The following SPTBN5 variants were observed in gnomAD, a reference collection of about 807,000 sequenced individuals.
SPTBN5 encodes spectrin beta chain, non-erythrocytic 5.
In SPTBN5, 513 loss-of-function variants were observed where a neutral mutation model predicts 477.6. That is an observed-to-expected ratio of 1.07 (90% confidence interval 1.00 to 1.16). The LOEUF is 1.16. SPTBN5 is among the 50% of genes most tolerant of loss of function. The pLI, the probability that SPTBN5 is intolerant of heterozygous loss-of-function variation, is 0.00. For missense variants in SPTBN5, 5,062 were observed against 4,731.8 expected (o/e 1.07, Z -2.05); for synonymous variants, 2,169 against 2,011.7 (o/e 1.08, Z -2.09).
chr15:41,848,687 C>T, intron 67 of SPTBN5, 59 bp from the exon 68 acceptor site: 5 of 1,595,852 alleles, frequency 3.1e-6, no homozygotes, highest in Non-Finnish European at 4.3e-6. Context: ...CTTCTCCAAA[C>T]AAACACACAC....
chr15:41,850,948 C>G lies in SPTBN5; in HGVS notation c.10836-9G>C, dbSNP rs996473092. On this transcript the variant is annotated splice_polypyrimidine_tract_variant and intron_variant, in intron 65 of 67. Transcript: ENST00000320955. ...CTGCCCCACTGGTCAGCCTGGCACC[C>G]ACAGTCACAGGTCAAACTCCACTGT... 6.7e-7 allele frequency: 1 copy of G among 1,491,062 alleles called. No homozygotes were observed. The highest frequency in any genetic ancestry group is 2.0e-5 in the Admixed American group (1 of 49,458). The allele number at this position is 1,491,062 out of a possible 1,614,324, so 92.4% of individuals were successfully genotyped here.
intron 4 of SPTBN5, among the ~76,000 whole-genome samples, chr15:41,889,425 C>T (rs1171253754): frequency 6.7e-6 from 1 of 149,304 alleles, no homozygotes; most frequent in Non-Finnish European, 1.5e-5. Context: ...AGGACTCTTT[C>T]TTTTTTTTTT....
Position 41,892,930 on chromosome 15 carries a change from C to T in SPTBN5, c.348G>A (p.Glu116=), listed in dbSNP as rs748667453. ...GGAAGGCCAGAGCTCGGCTGCTGTTCTCCAGGAAGTGCACACGCAGGCGGC... is the reference window on the plus strand; with the variant it reads ...GGAAGGCCAGAGCTCGGCTGCTGTTTTCCAGGAAGTGCACACGCAGGCGGC... ...SRGRLRVHFL[E]NSSRALAFLR... is the part of the protein sequence containing the mutation. The change falls in exon 3 of 68, where the codon GAG becomes GAA. Residue 116 remains glutamate (E), a synonymous_variant. Transcript: ENST00000320955. 2.5e-6 allele frequency: 4 copies of T among 1,607,366 alleles called. No individual in the cohort carries two copies. Among genetic ancestry groups the T allele is most frequent in the Non-Finnish European group, 3.4e-6 (4 of 1,179,428 alleles).
intron 19 of SPTBN5, 78 bp downstream of exon 19, chr15:41,876,731 C>G: frequency 6.3e-7 from 1 of 1,596,256 alleles, no homozygotes; most frequent in Non-Finnish European, 8.6e-7. Flanking sequence ...ACCCCCTACT[C>G]TCCCAGCCCT....
rs746196539 is a variant in SPTBN5, at chr15:41,850,876, C to A, written c.10899G>T (p.Trp3633Cys). The A allele has an allele frequency of 9.9e-5, 159 of 1,601,896 alleles. No homozygotes were observed. The highest frequency in any genetic ancestry group is 1.3e-4 in the Non-Finnish European group (152 of 1,175,176). ...APSEEQAESW[W>C]RALGSTAAQS... ...CACCTGCAGTGCTGCCCAGGGCTCG[C>A]CACCAGCTCTCAGCCTGCTCTTCGG... Residue 3633 changes from tryptophan to cysteine, a missense_variant, in exon 66 of 68, where the codon TGG (tryptophan) becomes TGT (cysteine). Coordinates refer to ENST00000320955, the MANE Select transcript of SPTBN5 (RefSeq NM_016642.4).
intron 62 of SPTBN5, 91 bp from the exon 63 acceptor site, chr15:41,851,941 C>T: frequency 1.8e-6 from 2 of 1,108,798 alleles, no homozygotes; most frequent in South Asian, 1.4e-5. Flanking sequence ...CTCTTTATTC[C>T]TCCCATCCAA....
At chr15:41,872,541 C>T in intron 26 of SPTBN5, 82 bp from the exon 27 acceptor site, 1 of 1,418,142 alleles carries the variant, frequency 7.1e-7, no homozygotes, top group Non-Finnish European at 9.5e-7. Context: ...ATCCAGTCAC[C>T]AATCCTCATC....
rs2066980741 is a variant in SPTBN5, at chr15:41,882,154, G to A, written c.2248-9C>T. The A allele has an allele frequency of 6.4e-7, 1 of 1,561,158 alleles. No homozygotes were observed. The highest frequency in any genetic ancestry group is 8.6e-7 in the Non-Finnish European group (1 of 1,163,646). On this transcript the variant is annotated splice_polypyrimidine_tract_variant and intron_variant, in intron 11 of 67. Transcript: ENST00000320955. ...GCCGCGTCCGCGAAGTACTGTGGGA[G>A]GGGGTCGGGGGTGGTGTGGGTGAAG...
intron 66 of SPTBN5, 110 bp from the exon 67 acceptor site, chr15:41,850,069 C>T (rs2065700822): frequency 3.2e-6 from 3 of 923,476 alleles, no homozygotes; most frequent in East Asian, 2.6e-5. Flanking sequence ...CCTTAGGCAG[C>T]CTGGCTATGC....
intron 34 of SPTBN5, 136 bp from the exon 35 acceptor site, chr15:41,867,778 G>A (rs375390607): frequency 2.3e-5 from 21 of 896,508 alleles, no homozygotes; most frequent in South Asian, 2.3e-4. Context: ...GAGCTGTGAG[G>A]AGTGGGAGTC....
In SPTBN5 at chr15:41,857,468, C is replaced by T. The variant is rs755368286; in HGVS notation, c.8391G>A (p.Glu2797=). 1 of 1,608,666 alleles carries T rather than the reference C, an allele frequency of 6.2e-7. No individual in the cohort carries two copies. Among genetic ancestry groups the T allele is most frequent in the African/African-American group, 1.3e-5 (1 of 74,982 alleles). Reference sequence around the variant, plus strand: ...TGGGCTCCAGCCAGTTCTCCAGTTCCTCCATGCTCCGCCGCAGACGCAGGG... The same window carrying T: ...TGGGCTCCAGCCAGTTCTCCAGTTCTTCCATGCTCCGCCGCAGACGCAGGG... The part of the protein sequence containing the change: ...CEALRLRRSM[E]ELENWLEPIE... Residue 2797 remains glutamate (E), a synonymous_variant, in exon 51 of 68, where the codon GAG becomes GAA. Transcript: ENST00000320955.
In SPTBN5 at chr15:41,879,519, T is replaced by C. The variant is rs1451682293; in HGVS notation, c.2943-20A>G. ...CCCCACCTGGGCAGAGGGTACAAGG[T>C]TGTCTCCACAACAGGGACACCTCCC... is the stretch of plus-strand genomic sequence containing the variant. On this transcript the variant is annotated intron_variant, in intron 15 of 67. Transcript: ENST00000320955. 3.2e-6 allele frequency: 5 copies of C among 1,540,292 alleles called. No individual in the cohort carries two copies. The Admixed American group carries it at 7.8e-5, about 24-fold the overall frequency.
Position 41,862,881 on chromosome 15 carries a change from T to A in SPTBN5, c.7172A>T (p.Asp2391Val). The change falls in exon 42 of 68, where the codon GAC becomes GTC. Residue 2391 changes from aspartate to valine, a missense_variant. Physicochemically the swap from Asp to Val is radical, Grantham distance 152 (BLOSUM62 -3). Coordinates refer to ENST00000320955, the MANE Select transcript of SPTBN5 (RefSeq NM_016642.4). The stretch of plus-strand genomic sequence containing the variant: ...CACGCTCTCCAGATCTTTCCCACAG[T>A]CCAGGGCCTGGATCAGGGCTTCCTG... ...QEKEALIQAL[D>V]CGKDLESVQR... 1 of 1,584,880 alleles carries A rather than the reference T, an allele frequency of 6.3e-7. No homozygotes were observed. Among genetic ancestry groups the A allele is most frequent in the African/African-American group, 1.3e-5 (1 of 74,360 alleles).
In SPTBN5 at chr15:41,851,289, T is replaced by C. The variant is rs1450258221; in HGVS notation, c.10737A>G (p.Ala3579=). 1 of 1,551,282 alleles carries C rather than the reference T, an allele frequency of 6.4e-7. No homozygotes were observed. Among genetic ancestry groups the C allele is most frequent in the Admixed American group, 2.0e-5 (1 of 51,014 alleles). The stretch of plus-strand genomic sequence containing the variant: ...CCCCTACCCCGCCTGGTACCTCCGC[T>C]GCCATCCTCTCATCCAGGAACAGGC... ...SLSLFLDERM[A]AEKVASIALL... The change falls in exon 64 of 68, where the codon GCA becomes GCG. Residue 3579 remains alanine, a synonymous_variant. Coordinates refer to ENST00000320955, the MANE Select transcript of SPTBN5 (RefSeq NM_016642.4).
intron 27 of SPTBN5, 135 bp from the exon 28 acceptor site, chr15:41,872,052 G>A (rs1395981717): frequency 2.3e-5 from 28 of 1,222,898 alleles, no homozygotes; most frequent in Non-Finnish European, 2.9e-5. Context: ...CACGATTCAG[G>A]GAGTAGTAGA....
At chr15:41,850,016 G>C in intron 66 of SPTBN5, 57 bp from the exon 67 acceptor site, 1 of 1,409,902 alleles carries the variant, frequency 7.1e-7, no homozygotes. Context: ...GCAGGCGCCA[G>C]GTCTGGCTGC....
chr15:41,876,189 CA>C lies in SPTBN5; in HGVS notation c.4046del (p.Leu1349ArgfsTer32), dbSNP rs1355645242. The C allele has an allele frequency of 1.9e-6, 3 of 1,606,276 alleles. No individual in the cohort carries two copies. The highest frequency in any genetic ancestry group is 2.5e-6 in the Non-Finnish European group (3 of 1,179,680). On this transcript the variant is annotated frameshift_variant, in exon 21 of 68. Coordinates refer to ENST00000320955, the MANE Select transcript of SPTBN5 (RefSeq NM_016642.4). LOFTEE classifies it high-confidence loss of function. ...HEPSGARRNILQTLKRHEAAE... is the reference protein window; with the variant it reads ...HEPSGARRNIXQTLKRHEAAE... ...CTGCTTCGTGCCGCTTGAGTGTCTGCAGGATGTTTCTGCGCGCTCCGGAGGG... is the reference window on the plus strand; with the variant it reads ...CTGCTTCGTGCCGCTTGAGTGTCTGCGGATGTTTCTGCGCGCTCCGGAGGG...
intron 12 of SPTBN5, among the ~76,000 whole-genome samples, chr15:41,881,616 G>A (rs2066955571): frequency 6.6e-6 from 1 of 152,248 alleles, no homozygotes; most frequent in Non-Finnish European, 1.5e-5. Context: ...AGGAGAGACA[G>A]TCACTACTGG....
chr15:41,879,387 C>G lies in SPTBN5; in HGVS notation c.3055G>C (p.Val1019Leu). The G allele has an allele frequency of 6.2e-7, 1 of 1,610,624 alleles. No homozygotes were observed. The highest frequency in any genetic ancestry group is 1.3e-5 in the African/African-American group (1 of 75,016). Residue 1019 changes from valine (V) to leucine (L), a missense_variant, in exon 16 of 68, where the codon GTG becomes CTG. Coordinates refer to ENST00000320955, the MANE Select transcript of SPTBN5 (RefSeq NM_016642.4). ...CGPTQVQLRDVLLQLEALQPG... is the reference protein window; with the variant it reads ...CGPTQVQLRDLLLQLEALQPG... ...TGCAGGGCCTCCAGCTGGAGGAGCA[C>G]GTCTCGCAGCTGGACCTGTGTGGGT... is the stretch of plus-strand genomic sequence containing the variant.
Sources: gnomAD v4.1 joint callset for allele counts (sites outside exome capture counted in the v4.1 genomes callset) on GRCh38, gnomAD v4.1.1 for gene constraint, MANE v1.5 for transcripts, NCBI Gene and HGNC (gene_info 2026-07-23, HGNC 2026-07-21) for gene names.